The following CELSR1 variants were observed in gnomAD, a reference collection of about 807,000 sequenced individuals.
CELSR1 encodes the protein adhesion G protein-coupled receptor C1.
CELSR1 carries 110 observed loss-of-function variants against 249.1 expected under a neutral mutation model. That is an observed-to-expected ratio of 0.44 (90% CI 0.38 to 0.52). The LOEUF is 0.52. Among genes scored for constraint, CELSR1 ranks in the 20% least tolerant of loss-of-function variants. CELSR1 has a pLI of 0.00. For missense variants in CELSR1, 4,109 were observed against 4,296.4 expected (o/e 0.96, Z 1.22); for synonymous variants, 2,113 against 1,900.0 (o/e 1.11, Z -2.92).
chr22:46,480,101 A>G (rs1256460325), intron 1 of CELSR1, among the ~76,000 whole-genome samples: 3 of 152,138 alleles, frequency 2.0e-5, no homozygotes, highest in Non-Finnish European at 4.4e-5. Flanking sequence ...ACTCCTATAT[A>G]CTAGTATGTA....
chr22:46,425,821 G>A (rs990549876), intron 5 of CELSR1, among the ~76,000 whole-genome samples: 2 of 152,152 alleles, frequency 1.3e-5, no homozygotes, highest in Middle Eastern at 3.4e-3. Context: ...CTGGCTTTGG[G>A]TTTATTTTGT....
chr22:46,380,996 G>C lies in CELSR1; in HGVS notation c.7089-41C>G, dbSNP rs777889243. On this transcript the variant is annotated intron_variant, in intron 21 of 34. Transcript: ENST00000674500. The surrounding 1 kb of genome is among the most constrained non-coding windows in gnomAD (Gnocchi z 5.1). The stretch of plus-strand genomic sequence containing the variant: ...CAGAGCATGGGGACAAACACGGTGA[G>C]GAAACATCTGCTTAAATCCCGCGCA... 1.3e-6 allele frequency: 2 copies of C among 1,594,768 alleles called. No homozygotes were observed. Among genetic ancestry groups the C allele is most frequent in the Admixed American group, 3.4e-5 (2 of 59,366 alleles).
At chr22:46,451,744 G>C (rs2079887763) in intron 2 of CELSR1, among the ~76,000 whole-genome samples, 1 of 152,190 alleles carries the variant, frequency 6.6e-6, no homozygotes, top group African/African-American at 2.4e-5. Context: ...CCAAAAGGAA[G>C]TGTCCACATA....
At chr22:46,479,207 C>T (rs1251392154) in intron 1 of CELSR1, among the ~76,000 whole-genome samples, 1 of 152,046 alleles carries the variant, frequency 6.6e-6, no homozygotes, top group Admixed American at 6.5e-5. Flanking sequence ...TTTGCTGAAT[C>T]CTGGGAGCTT....
Position 46,381,026 on chromosome 22 carries a change from T to G in CELSR1, c.7089-71A>C. On this transcript the variant is annotated intron_variant, in intron 21 of 34. Coordinates refer to ENST00000674500, the MANE Select transcript of CELSR1 (RefSeq NM_001378328.1). This position sits in a 1 kb window ranked among gnomAD's most constrained non-coding sequence, Gnocchi z 6.0. The stretch of plus-strand genomic sequence containing the variant: ...CATCTGCTTAAATCCCGCGCACAAA[T>G]GCCCTGAGGACACGCCATGATGTGT... The G allele has an allele frequency of 2.0e-6, 3 of 1,478,820 alleles. No individual in the cohort carries two copies. The highest frequency in any genetic ancestry group is 2.8e-6 in the Non-Finnish European group (3 of 1,074,864). The allele number at this position is 1,478,820 out of a possible 1,614,324, so 91.6% of individuals were successfully genotyped here.
chr22:46,434,546 T>C lies in CELSR1; in HGVS notation c.4523-1065A>G, dbSNP rs115170373. On this transcript the variant is annotated intron_variant, in intron 4 of 34. Transcript: ENST00000674500. The surrounding 1 kb of genome is among the most constrained non-coding windows in gnomAD (Gnocchi z 4.9). ...GTGGTTGGCTGCTGTTACAGGTGCCTCCCTTTCTTTATTGAGTATAGAAAA... is the reference window on the plus strand; with the variant it reads ...GTGGTTGGCTGCTGTTACAGGTGCCCCCCTTTCTTTATTGAGTATAGAAAA... Among the ~76,000 whole-genome samples, 124 of 152,322 alleles carry C rather than the reference T, an allele frequency of 8.1e-4. No individual in the cohort carries two copies. The highest frequency in any genetic ancestry group is 2.9e-3 in the African/African-American group (122 of 41,566).
chr22:46,463,020 A>G, intron 2 of CELSR1: 1 of 378,880 alleles, frequency 2.6e-6, no homozygotes, highest in Non-Finnish European at 5.3e-6. Context: ...TAACCAATTA[A>G]GCCTGCAATC....
In CELSR1 at chr22:46,464,173, C is replaced by G; in HGVS notation, c.3717G>C (p.Lys1239Asn). ...EGVAAVLSTTKDDVFVFNVQN... is the reference protein window; with the variant it reads ...EGVAAVLSTTNDDVFVFNVQN... ...GGACGTTGAAGACGAAGACGTCGTC[C>G]TTGGTGGTGGACAGCACGGCGGCCA... The change falls in exon 2 of 35, where the codon AAG becomes AAC. Residue 1239 changes from lysine (K) to asparagine (N), a missense_variant. Physicochemically the swap from Lys to Asn is moderately conservative, Grantham distance 94 (BLOSUM62 0). Around this residue, in one of 7 missense-constraint regions of CELSR1, gnomAD observed 141 missense variants for 209.4 expected, o/e 0.67. Transcript: ENST00000674500. The surrounding 1 kb of genome is among the most constrained non-coding windows in gnomAD (Gnocchi z 8.5). 2.5e-6 allele frequency: 4 copies of G among 1,613,730 alleles called. No individual in the cohort carries two copies. The highest frequency in any genetic ancestry group is 3.4e-6 in the Non-Finnish European group (4 of 1,180,020).
At chr22:46,533,422 G>A (rs1015642427) in intron 1 of CELSR1, among the ~76,000 whole-genome samples, 20 of 152,260 alleles carry the variant, frequency 1.3e-4, no homozygotes, top group African/African-American at 3.9e-4. Flanking sequence ...AAATGCTGAC[G>A]GAAGCGGCGC....
At position 46,534,927 on chromosome 22, in the gene CELSR1, T is replaced by C. The variant is rs150528800; in HGVS notation, c.2244A>G (p.Leu748=). 11 of 1,612,308 alleles carry C rather than the reference T, an allele frequency of 6.8e-6. No homozygotes were observed. The Admixed American group carries it at 8.3e-5, about 12-fold the overall frequency. Residue 748 remains leucine (L), a synonymous_variant, in exon 1 of 35, where the codon CTA becomes CTG. Transcript: ENST00000674500. The surrounding 1 kb of genome is among the most constrained non-coding windows in gnomAD (Gnocchi z 9.7). ...GCTGCTCCTGCTTGTAGTCCAGAGG[T>C]AGCGCCAGGGTGATGAGGCCGCCCC... The part of the protein sequence containing the change: ...QRGGGLITLA[L]PLDYKQEQQY...
At chr22:46,480,268 G>A (rs1279086079) in intron 1 of CELSR1, among the ~76,000 whole-genome samples, 1 of 152,178 alleles carries the variant, frequency 6.6e-6, no homozygotes, top group Non-Finnish European at 1.5e-5. Flanking sequence ...TCTCCAAGCT[G>A]TGGTAGACGA....
rs1240691436 is a variant in CELSR1, at chr22:46,446,141, C to T, written c.4184-6730G>A. ...AGCCACACACCCAGCCCCCTCCACA[C>T]CATACTCACGAGCCTGTGCCGGCCC... On this transcript the variant is annotated intron_variant, in intron 2 of 34. Transcript: ENST00000674500. The surrounding 1 kb of genome is among the most constrained non-coding windows in gnomAD (Gnocchi z 5.5). 6.6e-6 allele frequency among the ~76,000 whole-genome samples: 1 copy of T among 152,190 alleles called. No homozygotes were observed. Among genetic ancestry groups the T allele is most frequent in the Admixed American group, 6.5e-5 (1 of 15,286 alleles).
At position 46,401,061 on chromosome 22, in the gene CELSR1, G is replaced by A. The variant is rs1339517052; in HGVS notation, c.5227-1159C>T. ...AAAAAGGATCAATCGCTTCATGGAG[G>A]TCAAGTAAGGGAAGCGCCAAGAACA... On this transcript the variant is annotated intron_variant, in intron 9 of 34. Coordinates refer to ENST00000674500, the MANE Select transcript of CELSR1 (RefSeq NM_001378328.1). This position sits in a 1 kb window ranked among gnomAD's most constrained non-coding sequence, Gnocchi z 4.7. 6.6e-6 allele frequency among the ~76,000 whole-genome samples: 1 copy of A among 152,152 alleles called. No homozygotes were observed. The highest frequency in any genetic ancestry group is 6.5e-5 in the Admixed American group (1 of 15,276).
rs1327334639 is a variant in CELSR1 at position 46,517,043 on chromosome 22, G to A, written c.3544+16584C>T. Among the ~76,000 whole-genome samples, 1 of 152,226 alleles carries A rather than the reference G, an allele frequency of 6.6e-6. No homozygotes were observed. Among genetic ancestry groups the A allele is most frequent in the Non-Finnish European group, 1.5e-5 (1 of 68,034 alleles). ...GAGCTGGGCTCATCCACTTCCTGAG[G>A]CTGGTGACTCTGGGGGAAGAATCCA... On this transcript the variant is annotated intron_variant, in intron 1 of 34. Transcript: ENST00000674500. The surrounding 1 kb of genome is among the most constrained non-coding windows in gnomAD (Gnocchi z 5.4).
chr22:46,516,511 AT>A (rs952076988), intron 1 of CELSR1, among the ~76,000 whole-genome samples: 13 of 151,216 alleles, frequency 8.6e-5, no homozygotes, highest in African/African-American at 2.7e-4. Context: ...GTTTTTTAAA[AT>A]TTTTTTTTAT....
At chr22:46,511,928 G>A (rs1039030146) in intron 1 of CELSR1, among the ~76,000 whole-genome samples, 1 of 152,160 alleles carries the variant, frequency 6.6e-6, no homozygotes, top group African/African-American at 2.4e-5. Flanking sequence ...CTAGGTAAGA[G>A]CATCCCCTGC....
rs1254725971 is a variant in CELSR1, at chr22:46,439,270, A to G, written c.4325T>C (p.Val1442Ala). ...CTGGGGCGGGAAGCTCCTGGTGGTC[A>G]CCTCACAGTAGGGCCTCTCATACTC... ...PGEYERPYCE[V>A]TTRSFPPQSF... The change falls in exon 3 of 35, where the codon GTG (valine) becomes GCG (alanine). Residue 1442 changes from valine to alanine, a missense_variant. Physicochemically the swap from Val to Ala is moderately conservative, Grantham distance 64. Around this residue, in one of 7 missense-constraint regions of CELSR1, gnomAD observed 453 missense variants for 492.0 expected, o/e 0.92. Transcript: ENST00000674500. The G allele has an allele frequency of 4.3e-6, 7 of 1,613,960 alleles. No homozygotes were observed. The highest frequency in any genetic ancestry group is 5.9e-6 in the Non-Finnish European group (7 of 1,179,988).
chr22:46,363,761 A>G lies in CELSR1; in HGVS notation c.9035+235T>C, dbSNP rs1306782834. ...GCATTTTGGGGCTGGCCAGGGCTTC[A>G]GAGTCCCAGAGGCCTGAGACGTGTC... On this transcript the variant is annotated intron_variant, in intron 34 of 34. Transcript: ENST00000674500. This position sits in a 1 kb window ranked among gnomAD's most constrained non-coding sequence, Gnocchi z 4.3. 2 of 569,990 alleles carry G rather than the reference A, an allele frequency of 3.5e-6. No homozygotes were observed. The highest frequency in any genetic ancestry group is 3.1e-5 in the East Asian group (1 of 32,252). 35.3% of individuals were successfully genotyped at this position (569,990 alleles called of 1,614,324 possible). A position where few individuals can be genotyped will look rare whatever the true frequency, so the allele number is the denominator to read the frequency against.
chr22:46,510,201 G>A (rs5768864), intron 1 of CELSR1, among the ~76,000 whole-genome samples: 118,852 of 152,192 alleles, frequency 0.78, 46,458 homozygotes, highest in East Asian at 0.91. Context: ...GTCTTCTGGT[G>A]TGAAATAAAA....
Sources: gnomAD v4.1 joint callset for allele counts (sites outside exome capture counted in the v4.1 genomes callset) on GRCh38, gnomAD v4.1.1 for gene constraint, gnomAD v4.1.1 regional missense constraint, Gnocchi (gnomAD v3.1) non-coding constraint, MANE v1.5 for transcripts, NCBI Gene and HGNC (gene_info 2026-07-23, HGNC 2026-07-21) for gene names.